ZBTB20: variants seen among roughly 807,000 people sequenced by gnomAD.
The protein encoded by ZBTB20 is zinc finger and BTB domain-containing protein 20.
Under a neutral mutation model 56.9 loss-of-function variants are expected in ZBTB20, and 9 were observed. The ratio of observed to expected loss-of-function variants is 0.16; its 90% CI spans 0.10 to 0.28. ZBTB20 has a LOEUF of 0.28. Ranked by LOEUF, ZBTB20 falls within the 10% of genes least tolerant of loss-of-function variation. The pLI is 1.00. For missense variants in ZBTB20, 655 were observed against 1,003.0 expected (o/e 0.65, Z 4.69); for synonymous variants, 417 against 420.7 (o/e 0.99, Z 0.11).
chr3:114,694,549 T>G (rs1373507968), intron 5 of ZBTB20, among the ~76,000 whole-genome samples: 1 of 151,774 alleles, frequency 6.6e-6, no homozygotes, highest in East Asian at 1.9e-4. Flanking sequence ...AGAAGAACCC[T>G]ATAGAATTTT....
intron 6 of ZBTB20, among the ~76,000 whole-genome samples, chr3:114,607,395 T>G (rs936853984): frequency 1.5e-4 from 23 of 150,906 alleles, no homozygotes; most frequent in Non-Finnish European, 3.0e-4. Flanking sequence ...CTCCGCCTCC[T>G]GGGTTCAAGC....
intron 7 of ZBTB20, among the ~76,000 whole-genome samples, chr3:114,404,134 A>G (rs1447307583): frequency 6.6e-6 from 1 of 152,136 alleles, no homozygotes; most frequent in African/African-American, 2.4e-5. Flanking sequence ...TACTGAAGCT[A>G]TTTTTCCTTG....
At chr3:114,844,544 A>AAAAAAAAAAAAAAAC (rs1560313358) in intron 4 of ZBTB20, among the ~76,000 whole-genome samples, 4 of 140,602 alleles carry the variant, frequency 2.8e-5, no homozygotes, top group African/African-American at 1.1e-4. Context: ...AAAAAAAAAA[A>AAAAAAAAAAAAAAAC]AAAAAAAACT....
chr3:114,393,390 C>T (rs1351233145), intron 7 of ZBTB20, among the ~76,000 whole-genome samples: 1 of 152,158 alleles, frequency 6.6e-6, no homozygotes, highest in Non-Finnish European at 1.5e-5. Flanking sequence ...ATCTGATTTA[C>T]ATTGTGCATT....
chr3:114,724,645 TATTA>T (rs1307756081), intron 5 of ZBTB20, among the ~76,000 whole-genome samples: 1 of 152,202 alleles, frequency 6.6e-6, no homozygotes, highest in Non-Finnish European at 1.5e-5. Context: ...TTAGGTTTTA[TATTA>T]ATTAATTTAG....
intron 6 of ZBTB20, among the ~76,000 whole-genome samples, chr3:114,607,494 C>G (rs1055635803): frequency 6.6e-6 from 1 of 151,750 alleles, no homozygotes; most frequent in Non-Finnish European, 1.5e-5. Flanking sequence ...GTAGAGACAG[C>G]GTTTCTCCAT....
At chr3:115,107,606 C>T (rs953682930) in intron 1 of ZBTB20, among the ~76,000 whole-genome samples, 2 of 152,098 alleles carry the variant, frequency 1.3e-5, no homozygotes, top group South Asian at 4.1e-4. Flanking sequence ...GGATCTAGAA[C>T]CAGAAATGCC....
At chr3:114,486,137 TGG>T (rs1210938471) in intron 7 of ZBTB20, among the ~76,000 whole-genome samples, 9 of 6,200 alleles carry the variant, frequency 1.5e-3, no homozygotes, top group African/African-American at 2.0e-3. Context: ...TGTGTGTGTG[TGG>T]GGGGGGGGGG....
chr3:114,989,709 T>C (rs1216846028), intron 2 of ZBTB20, among the ~76,000 whole-genome samples: 1 of 152,274 alleles, frequency 6.6e-6, no homozygotes, highest in South Asian at 2.1e-4. Context: ...GCCATTTTCA[T>C]GATATTGATT....
chr3:114,622,930 C>A lies in ZBTB20; in HGVS notation c.-295+70598G>T, dbSNP rs1851215. On this transcript the variant is annotated intron_variant, in intron 6 of 11. Transcript: ENST00000675478. ...GGGTTGTGATTCCTGGAAGTTTCAG[C>A]CTATGAGAACCATATTGGCGACATC... Among the ~76,000 whole-genome samples the A allele has an allele frequency of 1.5e-4, 23 of 152,320 alleles. 1 individual carries two copies. In the East Asian group the frequency reaches 4.0e-3, roughly 27 times the overall value.
At chr3:114,582,019 T>C (rs1302522674) in intron 6 of ZBTB20, 6 of 152,310 alleles carry the variant, frequency 3.9e-5, no homozygotes, top group African/African-American at 1.4e-4. Flanking sequence ...TAGTAATACA[T>C]ACAGAAGAAT....
At chr3:114,741,964 T>A (rs1378728167) in intron 5 of ZBTB20, among the ~76,000 whole-genome samples, 1 of 151,888 alleles carries the variant, frequency 6.6e-6, no homozygotes, top group Non-Finnish European at 1.5e-5. Context: ...ATTGCAATAA[T>A]CTTTAAGAAG....
chr3:114,849,986 A>C (rs1309496307), intron 4 of ZBTB20, among the ~76,000 whole-genome samples: 3 of 134,948 alleles, frequency 2.2e-5, no homozygotes, highest in Non-Finnish European at 3.1e-5. Context: ...TGCAACCTCC[A>C]CCTCCTGGAT....
In ZBTB20 at chr3:114,351,516, C is replaced by T. The variant is rs1250271595; in HGVS notation, c.562G>A (p.Glu188Lys). 6.2e-7 allele frequency: 1 copy of T among 1,613,984 alleles called. No individual in the cohort carries two copies. The change falls in exon 11 of 12, where the codon GAG (glutamate) becomes AAG (lysine). Residue 188 changes from glutamate (E) to lysine (K), a missense_variant. Around this residue, in one of 10 missense-constraint regions of ZBTB20, gnomAD observed 167 missense variants for 281.9 expected, o/e 0.59. Coordinates refer to ENST00000675478, the MANE Select transcript of ZBTB20 (RefSeq NM_001348800.3). ...SILQIKTVID[E>K]CTRIVSQNVG... ...TTCTGTGACACGATGCGCGTGCACT[C>T]GTCGATGACTGTTTTGATCTGCAGG...
intron 4 of ZBTB20, among the ~76,000 whole-genome samples, chr3:114,831,116 G>A (rs1475948198): frequency 2.4e-5 from 1 of 41,926 alleles, no homozygotes; most frequent in Non-Finnish European, 5.5e-5. Flanking sequence ...TTTTTTTTTA[G>A]TATCCAGTGC....
At chr3:114,717,498 G>A (rs913287254) in intron 5 of ZBTB20, among the ~76,000 whole-genome samples, 1 of 151,998 alleles carries the variant, frequency 6.6e-6, no homozygotes, top group Non-Finnish European at 1.5e-5. Context: ...GAGATTTGAG[G>A]CTTTGATTCT....
chr3:114,722,851 T>A (rs1177312145), intron 5 of ZBTB20, among the ~76,000 whole-genome samples: 1 of 152,242 alleles, frequency 6.6e-6, no homozygotes, highest in Non-Finnish European at 1.5e-5. Context: ...TCCTTGGACT[T>A]CACAGCTCTG....
At chr3:114,511,249 T>C (rs891248395) in intron 6 of ZBTB20, among the ~76,000 whole-genome samples, 2 of 151,830 alleles carry the variant, frequency 1.3e-5, no homozygotes, top group Non-Finnish European at 2.9e-5. Context: ...AAATACATCC[T>C]GGCCAGATAA....
chr3:114,381,227 C>T (rs1453563976), intron 8 of ZBTB20, among the ~76,000 whole-genome samples: 1 of 152,162 alleles, frequency 6.6e-6, no homozygotes, highest in African/African-American at 2.4e-5. Context: ...ACTCTTTACT[C>T]ATCCTACGCC....
Sources: gnomAD v4.1 joint callset for allele counts (sites outside exome capture counted in the v4.1 genomes callset) on GRCh38, gnomAD v4.1.1 for gene constraint, gnomAD v4.1.1 regional missense constraint, MANE v1.5 for transcripts, NCBI Gene and HGNC (gene_info 2026-07-23, HGNC 2026-07-21) for gene names.